PEX13: variants seen among roughly 807,000 people sequenced by gnomAD.
PEX13 encodes peroxisomal biogenesis factor 13.
In PEX13, 28 loss-of-function variants were observed where a neutral mutation model predicts 34.5. The observed-to-expected ratio is 0.81, with a 90% CI of 0.60 to 1.11. The LOEUF (loss-of-function observed/expected upper bound fraction) is 1.11. Among genes scored for constraint, PEX13 ranks in the 50% most tolerant of loss-of-function variants. The probability of loss-of-function intolerance (pLI) is 0.00; values close to 1 mark genes in which losing one functional copy is unlikely to be tolerated. For synonymous variants in PEX13, 177 were observed against 175.1 expected (o/e 1.01, Z -0.09); for missense variants, 550 against 491.0 (o/e 1.12, Z -1.13).
intron 1 of PEX13, among the ~76,000 whole-genome samples, chr2:61,028,392 CTT>C (rs943141246): frequency 2.9e-4 from 39 of 135,388 alleles, no homozygotes; most frequent in Non-Finnish European, 3.1e-4. Context: ...TCTTTCTTTT[CTT>C]TTTTTTTTTT....
intron 3 of PEX13, among the ~76,000 whole-genome samples, chr2:61,047,467 C>G (rs947555550): frequency 3.9e-5 from 6 of 152,086 alleles, no homozygotes; most frequent in Non-Finnish European, 8.8e-5. Context: ...TCATATTTTT[C>G]TTATAGGGAA....
chr2:61,026,761 A>G (rs1680363741), intron 1 of PEX13, among the ~76,000 whole-genome samples: 1 of 152,198 alleles, frequency 6.6e-6, no homozygotes, highest in African/African-American at 2.4e-5. Flanking sequence ...ATAATTTTTA[A>G]CATATCTAAA....
chr2:61,048,848 A>G lies in PEX13; in HGVS notation c.*78A>G. 1 of 1,191,946 alleles carries G rather than the reference A, an allele frequency of 8.4e-7. No homozygotes were observed. The highest frequency in any genetic ancestry group is 1.9e-5 in the Admixed American group (1 of 53,394). The allele number at this position is 1,191,946 out of a possible 1,614,324, so 73.8% of individuals were successfully genotyped here. On this transcript the variant is annotated 3_prime_UTR_variant, in exon 4 of 4. Transcript: ENST00000295030. ...TTATTTCTCACAAAGAAATGAATGT[A>G]CAATCCAATGAAAACATTTGTTATT... is the stretch of plus-strand genomic sequence containing the variant.
chr2:61,029,386 C>T (rs990801576), intron 1 of PEX13, among the ~76,000 whole-genome samples: 10 of 151,978 alleles, frequency 6.6e-5, no homozygotes, highest in African/African-American at 1.9e-4. Flanking sequence ...CATACATTGG[C>T]GAGAATGTAA....
intron 2 of PEX13, among the ~76,000 whole-genome samples, chr2:61,042,604 C>T (rs1680642663): frequency 6.6e-6 from 1 of 151,974 alleles, no homozygotes; most frequent in South Asian, 2.1e-4. Flanking sequence ...AGAAAATCAA[C>T]AGTCAAAAAA....
chr2:61,019,700 A>G (rs1007562651), intron 1 of PEX13, among the ~76,000 whole-genome samples: 27 of 152,108 alleles, frequency 1.8e-4, no homozygotes, highest in Non-Finnish European at 3.7e-4. Context: ...CTAAATATGT[A>G]GTTCTGTTTT....
intron 2 of PEX13, among the ~76,000 whole-genome samples, chr2:61,035,906 C>T (rs1039799186): frequency 1.3e-5 from 2 of 151,426 alleles, no homozygotes; most frequent in Non-Finnish European, 2.9e-5. Context: ...TTGCTTGAAC[C>T]CAGGAGGCGG....
intron 1 of PEX13, among the ~76,000 whole-genome samples, chr2:61,028,875 T>A (rs1470150689): frequency 6.6e-6 from 1 of 152,188 alleles, no homozygotes; most frequent in Non-Finnish European, 1.5e-5. Context: ...AGCACAATAA[T>A]TTAAAAAGCA....
chr2:61,018,355 A>G, intron 1 of PEX13: 1 of 1,499,736 alleles, frequency 6.7e-7, no homozygotes, highest in Non-Finnish European at 9.0e-7. Flanking sequence ...TTCCAGCATA[A>G]CTCAGCCAGT....
intron 1 of PEX13, among the ~76,000 whole-genome samples, chr2:61,021,461 AG>A (rs1185233758): frequency 6.6e-6 from 1 of 151,408 alleles, no homozygotes; most frequent in East Asian, 1.9e-4. Flanking sequence ...GCAGCCTGGC[AG>A]GGGGAGGGGA....
Position 61,051,720 on chromosome 2 carries a change from A to C in PEX13, c.*2950A>C, listed in dbSNP as rs1438042095. The stretch of plus-strand genomic sequence containing the variant: ...ATTAAATAAAATATAAGTTTACAAT[A>C]ATAAAACATGTTTCTTTTAATTTTT... On this transcript the variant is annotated 3_prime_UTR_variant, in exon 4 of 4. Coordinates refer to ENST00000295030, the MANE Select transcript of PEX13 (RefSeq NM_002618.4). 1 of 152,224 alleles carries C rather than the reference A, an allele frequency of 6.6e-6. No individual in the cohort carries two copies. The highest frequency in any genetic ancestry group is 1.5e-5 in the Non-Finnish European group (1 of 68,034). The allele number at this position is 152,224 out of a possible 1,614,324, so 9.4% of individuals were successfully genotyped here.
chr2:61,032,278 T>G (rs1680465500), intron 2 of PEX13, among the ~76,000 whole-genome samples, 165 bp downstream of exon 2: 3 of 152,230 alleles, frequency 2.0e-5, no homozygotes, highest in African/African-American at 7.2e-5. Context: ...AAAATAGGCT[T>G]GCTGATTAGT....
chr2:61,020,213 G>A (rs1005614943), intron 1 of PEX13, among the ~76,000 whole-genome samples: 1 of 152,108 alleles, frequency 6.6e-6, no homozygotes, highest in African/African-American at 2.4e-5. Flanking sequence ...GCAACAGAGG[G>A]AGACTCCATC....
At chr2:61,018,081 C>T (rs1359292589) in intron 1 of PEX13, 11 of 1,518,634 alleles carry the variant, frequency 7.2e-6, no homozygotes, top group Admixed American at 6.6e-5. Context: ...TTCGGGAGCT[C>T]CTGGGCGTCT....
At chr2:61,039,525 A>G (rs1680588270) in intron 2 of PEX13, among the ~76,000 whole-genome samples, 1 of 152,220 alleles carries the variant, frequency 6.6e-6, no homozygotes, top group South Asian at 2.1e-4. Flanking sequence ...GGTGCTGGAA[A>G]AACTGGCTAG....
At chr2:61,028,849 TA>T (rs1164846160) in intron 1 of PEX13, among the ~76,000 whole-genome samples, 1 of 152,206 alleles carries the variant, frequency 6.6e-6, no homozygotes, top group Non-Finnish European at 1.5e-5. Flanking sequence ...TTTTTAAAGA[TA>T]TTTTTGACTC....
intron 2 of PEX13, among the ~76,000 whole-genome samples, chr2:61,035,493 G>C (rs1368091923): frequency 6.6e-6 from 1 of 152,184 alleles, no homozygotes; most frequent in Non-Finnish European, 1.5e-5. Flanking sequence ...ACAGAAGTAG[G>C]CTTCCAAAGG....
At chr2:61,018,510 C>G (rs569202785) in intron 1 of PEX13, 60 of 449,194 alleles carry the variant, frequency 1.3e-4, no homozygotes, top group African/African-American at 1.1e-3. Context: ...CAGTTGGTTT[C>G]TAGGACTTTA....
chr2:61,047,237 C>T (rs1385034444), intron 3 of PEX13, among the ~76,000 whole-genome samples: 1 of 151,988 alleles, frequency 6.6e-6, no homozygotes. Context: ...CTCACTGCAA[C>T]CTCCGCCTCC....
Sources: allele counts gnomAD v4.1 joint callset (sites outside exome capture counted in the v4.1 genomes callset), GRCh38; gene constraint gnomAD v4.1.1; transcripts MANE v1.5; gene names NCBI Gene and HGNC (gene_info 2026-07-23, HGNC 2026-07-21).